The following MAPKAP1 variants were observed in gnomAD, a reference collection of about 807,000 sequenced individuals.
MAPKAP1 encodes target of rapamycin complex 2 subunit MAPKAP1.
MAPKAP1 carries 20 observed loss-of-function variants against 65.7 expected under a neutral mutation model. The observed-to-expected ratio is 0.30, with a 90% CI of 0.21 to 0.44. MAPKAP1 has a LOEUF of 0.44. Among genes scored for constraint, MAPKAP1 ranks in the 20% least tolerant of loss-of-function variants. MAPKAP1 has a pLI of 1.00. For missense variants in MAPKAP1, 423 were observed against 648.0 expected, an observed-to-expected ratio of 0.65 and a Z score of 3.77; for synonymous variants, 222 against 244.3, an observed-to-expected ratio of 0.91 and a Z score of 0.85.
At chr9:125,659,855 T>G (rs569972456) in intron 3 of MAPKAP1, among the ~76,000 whole-genome samples, 5 of 152,252 alleles carry the variant, frequency 3.3e-5, no homozygotes, top group East Asian at 3.9e-4. Context: ...CCACTCCAAG[T>G]AGGCATATTC....
intron 8 of MAPKAP1, 56 bp from the exon 9 acceptor site, chr9:125,484,639 G>A: frequency 6.5e-7 from 1 of 1,529,172 alleles, no homozygotes; most frequent in Admixed American, 2.0e-5. Flanking sequence ...GGCAAATGGT[G>A]TCTGCTTAAA....
intron 9 of MAPKAP1, among the ~76,000 whole-genome samples, chr9:125,474,017 C>T (rs1429100204): frequency 2.6e-5 from 4 of 152,072 alleles, no homozygotes; most frequent in Admixed American, 6.5e-5. Flanking sequence ...ACATAGCTAG[C>T]GATGAATATT....
chr9:125,555,011 AC>A (rs1276531701), intron 6 of MAPKAP1, among the ~76,000 whole-genome samples: 3 of 152,184 alleles, frequency 2.0e-5, no homozygotes, highest in Non-Finnish European at 2.9e-5. Context: ...ATTAAACCCA[AC>A]ATCAGCAATG....
At chr9:125,676,775 C>T (rs1286852527) in intron 1 of MAPKAP1, among the ~76,000 whole-genome samples, 1 of 152,150 alleles carries the variant, frequency 6.6e-6, no homozygotes, top group African/African-American at 2.4e-5. Context: ...TTTTACTTAT[C>T]ATTTATACCA....
intron 5 of MAPKAP1, among the ~76,000 whole-genome samples, chr9:125,569,990 G>A (rs1376700148): frequency 2.6e-5 from 4 of 152,306 alleles, no homozygotes; most frequent in South Asian, 2.1e-4. Flanking sequence ...AAATTATGCA[G>A]GTCAGATATT....
intron 10 of MAPKAP1, among the ~76,000 whole-genome samples, chr9:125,454,114 A>G (rs1853068049): frequency 6.6e-6 from 1 of 152,256 alleles, no homozygotes; most frequent in South Asian, 2.1e-4. Flanking sequence ...ATTCCTTGAG[A>G]CAAGTACCCT....
intron 4 of MAPKAP1, among the ~76,000 whole-genome samples, chr9:125,615,665 C>T (rs1004098823): frequency 6.6e-6 from 1 of 152,030 alleles, no homozygotes; most frequent in Non-Finnish European, 1.5e-5. Context: ...GTAATCCCAG[C>T]ACTCTGGGAG....
chr9:125,483,767 G>A (rs1012095826), intron 9 of MAPKAP1, among the ~76,000 whole-genome samples: 2 of 151,962 alleles, frequency 1.3e-5, no homozygotes, highest in Non-Finnish European at 2.9e-5. Flanking sequence ...TGTTAGATGG[G>A]GACAGTAAAA....
At chr9:125,654,352 G>A (rs1433995769) in intron 4 of MAPKAP1, among the ~76,000 whole-genome samples, 1 of 152,222 alleles carries the variant, frequency 6.6e-6, no homozygotes, top group Non-Finnish European at 1.5e-5. Flanking sequence ...GCAGATGGCT[G>A]AGGCTGGTTT....
At chr9:125,530,945 T>C (rs1564544854) in intron 7 of MAPKAP1, among the ~76,000 whole-genome samples, 2 of 152,250 alleles carry the variant, frequency 1.3e-5, no homozygotes, top group East Asian at 1.9e-4. Context: ...GTGTTTTACA[T>C]GCATTCAGTT....
intron 10 of MAPKAP1, among the ~76,000 whole-genome samples, chr9:125,467,226 A>T (rs575310537): frequency 2.0e-5 from 3 of 152,294 alleles, no homozygotes; most frequent in South Asian, 2.1e-4. Context: ...TATAGTTTAA[A>T]TTTTTTTCTT....
At chr9:125,627,749 C>T (rs558109707) in intron 4 of MAPKAP1, among the ~76,000 whole-genome samples, 4 of 152,178 alleles carry the variant, frequency 2.6e-5, no homozygotes, top group South Asian at 4.1e-4. Context: ...CAAAAAGTTA[C>T]GATTTTATCC....
rs1236822346 is a variant in MAPKAP1, at chr9:125,623,711, G to C, written c.498+33940C>G. Reference sequence around the variant, plus strand: ...CCCCGTCCGGGAGGGAGGTGGGGGGGGGGTCAGCCCCCCGCCCGGCCAGCC... The same window carrying C: ...CCCCGTCCGGGAGGGAGGTGGGGGGCGGGTCAGCCCCCCGCCCGGCCAGCC... On this transcript the variant is annotated intron_variant, in intron 4 of 11. Coordinates refer to ENST00000265960, the MANE Select transcript of MAPKAP1 (RefSeq NM_001006617.3). 8.3e-5 allele frequency among the ~76,000 whole-genome samples: 3 copies of C among 36,158 alleles called. 1 individual carries two copies. The highest frequency in any genetic ancestry group is 1.5e-4 in the African/African-American group (3 of 19,700). The allele number at this position is 36,158 out of a possible 152,430, so 23.7% of individuals were successfully genotyped here.
intron 4 of MAPKAP1, chr9:125,596,770 A>C (rs1264289608): frequency 6.3e-6 from 3 of 476,714 alleles, no homozygotes; most frequent in Non-Finnish European, 1.2e-5. Flanking sequence ...GTTTTAGACA[A>C]ATACTCATGT....
intron 1 of MAPKAP1, chr9:125,696,433 CAAAAAACAAACAAACA>C (rs1309451658): frequency 6.9e-6 from 1 of 143,984 alleles, no homozygotes; most frequent in Admixed American, 6.9e-5. Flanking sequence ...AAAAAAAAAA[CAAAAAACAAACAAACA>C]AAAAAACAAA....
chr9:125,593,872 C>T (rs1418070635), intron 4 of MAPKAP1, among the ~76,000 whole-genome samples: 1 of 152,212 alleles, frequency 6.6e-6, no homozygotes, highest in Admixed American at 6.5e-5. Context: ...CAGCCTCTCC[C>T]TGACCTGATG....
intron 4 of MAPKAP1, among the ~76,000 whole-genome samples, chr9:125,639,411 A>G (rs1290914486): frequency 1.3e-5 from 2 of 152,150 alleles, no homozygotes; most frequent in African/African-American, 4.8e-5. Flanking sequence ...CTCTCCTCAC[A>G]AGGCTGTTTT....
intron 5 of MAPKAP1, among the ~76,000 whole-genome samples, chr9:125,577,048 G>C (rs1364930899): frequency 1.3e-5 from 2 of 150,828 alleles, no homozygotes; most frequent in East Asian, 3.9e-4. Flanking sequence ...ATCTCTGCCC[G>C]GCCGCCATCC....
chr9:125,470,049 C>G (rs569999914), intron 9 of MAPKAP1, among the ~76,000 whole-genome samples: 1 of 152,224 alleles, frequency 6.6e-6, no homozygotes, highest in African/African-American at 2.4e-5. Flanking sequence ...GCTCCACATT[C>G]TTTTCTCAGA....
Sources: gnomAD v4.1 joint callset for allele counts (sites outside exome capture counted in the v4.1 genomes callset) on GRCh38, gnomAD v4.1.1 for gene constraint, MANE v1.5 for transcripts, NCBI Gene and HGNC (gene_info 2026-07-23, HGNC 2026-07-21) for gene names.